Variants in CELF4 observed in about 807,000 individuals in gnomAD.
CELF4 encodes CUG-BP- and ETR-3-like factor 4.
Under a neutral mutation model 59.9 loss-of-function variants are expected in CELF4, and 18 were observed. That is an observed-to-expected ratio of 0.30 (90% CI 0.21 to 0.45). CELF4 has a LOEUF of 0.45. CELF4 is among the 20% of genes least tolerant of loss of function. The probability of loss-of-function intolerance (pLI) is 1.00; values close to 1 mark genes in which losing one functional copy is unlikely to be tolerated. For missense variants in CELF4, 456 were observed against 689.0 expected (o/e 0.66, Z 3.79); for synonymous variants, 261 against 267.1 (o/e 0.98, Z 0.22).
At chr18:37,422,562 A>C (rs2099584686) in intron 2 of CELF4, among the ~76,000 whole-genome samples, 1 of 152,180 alleles carries the variant, frequency 6.6e-6, no homozygotes, top group Non-Finnish European at 1.5e-5. Flanking sequence ...GCTGTACCTG[A>C]AGAAGAACTG....
chr18:37,508,957 TC>T (rs2099941274), intron 1 of CELF4, among the ~76,000 whole-genome samples: 1 of 152,156 alleles, frequency 6.6e-6, no homozygotes. Flanking sequence ...CTCAACCTGT[TC>T]TTCTGCCTCC....
intron 1 of CELF4, among the ~76,000 whole-genome samples, chr18:37,521,268 G>A (rs764015269): frequency 5.3e-5 from 8 of 152,084 alleles, no homozygotes; most frequent in Non-Finnish European, 1.2e-4. Flanking sequence ...TCCCTTCTCT[G>A]ATGTTTCAGG....
At chr18:37,326,680 G>A (rs1353402396) in intron 2 of CELF4, among the ~76,000 whole-genome samples, 1 of 152,168 alleles carries the variant, frequency 6.6e-6, no homozygotes, top group East Asian at 1.9e-4. Context: ...AACCCTTGTG[G>A]ACTGTGTTTC....
At chr18:37,563,457 A>AT (rs777404939) in intron 1 of CELF4, among the ~76,000 whole-genome samples, 11 of 151,876 alleles carry the variant, frequency 7.2e-5, no homozygotes, top group Non-Finnish European at 1.5e-4. Context: ...TATTATTACT[A>AT]TTTTTTACAA....
chr18:37,427,581 A>AC (rs1420019793), intron 2 of CELF4, among the ~76,000 whole-genome samples: 4 of 151,564 alleles, frequency 2.6e-5, no homozygotes, highest in Non-Finnish European at 4.4e-5. Flanking sequence ...CCCAGCCCTG[A>AC]CCCCCAACCT....
chr18:37,436,515 G>T (rs1482364006), intron 2 of CELF4, among the ~76,000 whole-genome samples: 1 of 152,218 alleles, frequency 6.6e-6, no homozygotes, highest in Non-Finnish European at 1.5e-5. Flanking sequence ...GCAGAGGGGG[G>T]ATCAAGAGCC....
chr18:37,419,360 T>C (rs894323896), intron 2 of CELF4, among the ~76,000 whole-genome samples: 7 of 152,212 alleles, frequency 4.6e-5, no homozygotes, highest in African/African-American at 1.2e-4. Flanking sequence ...AATGTTCTAC[T>C]TGGAGAACCA....
intron 3 of CELF4, among the ~76,000 whole-genome samples, chr18:37,285,417 G>A (rs994262510): frequency 6.6e-6 from 1 of 152,252 alleles, no homozygotes. Flanking sequence ...GGCCCCTGGG[G>A]CCTGTTCTGG....
At chr18:37,259,073 C>A (rs765937238) in intron 11 of CELF4, 108 bp downstream of exon 11, 262 of 1,563,440 alleles carry the variant, frequency 1.7e-4, no homozygotes, top group Non-Finnish European at 2.2e-4. Context: ...TTGGTGCGAG[C>A]ACCGCCCTGT....
chr18:37,526,931 C>G (rs939177752), intron 1 of CELF4, among the ~76,000 whole-genome samples: 2 of 152,116 alleles, frequency 1.3e-5, no homozygotes, highest in Non-Finnish European at 2.9e-5. Flanking sequence ...AGCTCTGAAA[C>G]AAGCCACCCG....
chr18:37,427,829 TA>T (rs1423216118), intron 2 of CELF4, among the ~76,000 whole-genome samples: 1 of 152,214 alleles, frequency 6.6e-6, no homozygotes, highest in African/African-American at 2.4e-5. Context: ...ACATGGTTGA[TA>T]GATAGACAGG....
At chr18:37,320,155 G>A (rs2154519532) in intron 3 of CELF4, among the ~76,000 whole-genome samples, 1 of 152,248 alleles carries the variant, frequency 6.6e-6, no homozygotes, top group South Asian at 2.1e-4. Context: ...GGCTAACACA[G>A]TGAAACCCCA....
At chr18:37,544,938 C>A (rs1359635273) in intron 1 of CELF4, among the ~76,000 whole-genome samples, 3 of 152,134 alleles carry the variant, frequency 2.0e-5, no homozygotes, top group Non-Finnish European at 4.4e-5. Context: ...CAGGGACAGG[C>A]AACGTGACAT....
intron 2 of CELF4, among the ~76,000 whole-genome samples, chr18:37,441,134 G>T (rs140245772): frequency 6.6e-6 from 1 of 152,154 alleles, no homozygotes; most frequent in South Asian, 2.1e-4. Flanking sequence ...CTGAAGGAAG[G>T]CTTGGGATTT....
chr18:37,474,717 C>G (rs1404758152), intron 2 of CELF4, among the ~76,000 whole-genome samples: 1 of 152,198 alleles, frequency 6.6e-6, no homozygotes, highest in African/African-American at 2.4e-5. Flanking sequence ...TAGCTGTCAT[C>G]GGAGTTAGAG....
At chr18:37,458,870 G>A (rs1399600558) in intron 2 of CELF4, among the ~76,000 whole-genome samples, 1 of 152,240 alleles carries the variant, frequency 6.6e-6, no homozygotes, top group African/African-American at 2.4e-5. Context: ...TGCTTGCAGA[G>A]TTCTTCGCTG....
intron 1 of CELF4, among the ~76,000 whole-genome samples, chr18:37,490,203 C>G (rs1041146489): frequency 6.6e-6 from 1 of 152,144 alleles, no homozygotes; most frequent in Admixed American, 6.5e-5. Flanking sequence ...CCATTATATA[C>G]TCAGACCTGT....
intron 2 of CELF4, among the ~76,000 whole-genome samples, chr18:37,386,141 A>G (rs1314081973): frequency 6.6e-6 from 1 of 152,090 alleles, no homozygotes; most frequent in African/African-American, 2.4e-5. Context: ...TAATTTGCCT[A>G]CTCTTATATT....
At chr18:37,388,103 T>C (rs1047793434) in intron 2 of CELF4, among the ~76,000 whole-genome samples, 6 of 151,758 alleles carry the variant, frequency 4.0e-5, no homozygotes, top group Non-Finnish European at 7.4e-5. Context: ...TTTGGGTAAA[T>C]CCTTTGGGGC....
Sources: gnomAD v4.1 joint callset for allele counts (sites outside exome capture counted in the v4.1 genomes callset) on GRCh38, gnomAD v4.1.1 for gene constraint, MANE v1.5 for transcripts, NCBI Gene and HGNC (gene_info 2026-07-23, HGNC 2026-07-21) for gene names.